The following CDK19 variants were observed in gnomAD, a reference collection of about 807,000 sequenced individuals.
The protein encoded by CDK19 is cyclin dependent kinase 19.
In CDK19, 20 loss-of-function variants were observed where a neutral mutation model predicts 68.3. The observed-to-expected ratio is 0.29, with a 90% confidence interval of 0.21 to 0.43. CDK19 has a LOEUF of 0.43. Ranked by LOEUF, CDK19 falls within the 20% of genes least tolerant of loss-of-function variation. The pLI, the probability that CDK19 is intolerant of heterozygous loss-of-function variation, is 1.00. For synonymous variants in CDK19, 221 were observed against 222.8 expected (o/e 0.99, Z 0.07); for missense variants, 339 against 623.5 (o/e 0.54, Z 4.86).
chr6:110,735,338 T>C (rs1277660388), intron 2 of CDK19, among the ~76,000 whole-genome samples: 2 of 152,130 alleles, frequency 1.3e-5, no homozygotes, highest in African/African-American at 4.8e-5. Context: ...TCAAAACAAA[T>C]ACCACTCCCT....
chr6:110,780,232 A>T (rs1254488904), intron 1 of CDK19, among the ~76,000 whole-genome samples: 1 of 151,238 alleles, frequency 6.6e-6, no homozygotes, highest in Non-Finnish European at 1.5e-5. Context: ...AAAAAAAAAA[A>T]TACAAAAATT....
intron 2 of CDK19, among the ~76,000 whole-genome samples, chr6:110,737,982 C>A (rs941881182): frequency 1.3e-5 from 2 of 152,078 alleles, no homozygotes; most frequent in African/African-American, 4.8e-5. Context: ...TCTCTTAACA[C>A]CATACCAAAT....
chr6:110,635,858 CA>C (rs1259088548), intron 5 of CDK19, among the ~76,000 whole-genome samples: 2 of 151,986 alleles, frequency 1.3e-5, no homozygotes, highest in Non-Finnish European at 2.9e-5. Flanking sequence ...TTCTTTTAAG[CA>C]AAAAACAACA....
intron 1 of CDK19, among the ~76,000 whole-genome samples, chr6:110,764,684 C>T (rs1460166927): frequency 6.6e-6 from 1 of 152,204 alleles, no homozygotes; most frequent in Non-Finnish European, 1.5e-5. Flanking sequence ...GACACGGTGG[C>T]TCACGCCTCC....
intron 2 of CDK19, among the ~76,000 whole-genome samples, chr6:110,716,800 T>C (rs1467202429): frequency 6.6e-6 from 1 of 152,184 alleles, no homozygotes; most frequent in Non-Finnish European, 1.5e-5. Flanking sequence ...ATATATATAT[T>C]GGTCCAGTGA....
rs955681866 is a variant in CDK19, at chr6:110,621,554, G to A, written c.1111-184C>T. The stretch of plus-strand genomic sequence containing the variant: ...ACACAGTGTTCCCAAAGGGCAAGGC[G>A]CTGAGCCCCAAACAGGACTCTTTCC... On this transcript the variant is annotated intron_variant, in intron 11 of 12. Transcript: ENST00000368911. The surrounding 1 kb of genome is among the most constrained non-coding windows in gnomAD (Gnocchi z 5.4). 2.0e-5 allele frequency among the ~76,000 whole-genome samples: 3 copies of A among 152,102 alleles called. No homozygotes were observed. Among genetic ancestry groups the A allele is most frequent in the Non-Finnish European group, 4.4e-5 (3 of 68,018 alleles).
intron 4 of CDK19, among the ~76,000 whole-genome samples, chr6:110,659,049 G>T (rs1340275988): frequency 6.6e-6 from 1 of 152,114 alleles, no homozygotes; most frequent in African/African-American, 2.4e-5. Flanking sequence ...TTAAAGTGTA[G>T]GTTCTCAAAG....
At chr6:110,644,331 TAGAG>T (rs1780402347) in intron 4 of CDK19, among the ~76,000 whole-genome samples, 1 of 148,950 alleles carries the variant, frequency 6.7e-6, no homozygotes, top group Non-Finnish European at 1.5e-5. Flanking sequence ...TTTATGGAGA[TAGAG>T]AGTAGAAATA....
chr6:110,774,332 C>CA (rs1172285003), intron 1 of CDK19, among the ~76,000 whole-genome samples: 1 of 152,174 alleles, frequency 6.6e-6, no homozygotes, highest in East Asian at 1.9e-4. Flanking sequence ...CCAAGACCCC[C>CA]AGTAGCTGCC....
At chr6:110,784,177 A>AAG (rs59866895) in intron 1 of CDK19, among the ~76,000 whole-genome samples, 1 of 150,030 alleles carries the variant, frequency 6.7e-6, no homozygotes, top group Non-Finnish European at 1.5e-5. Context: ...AAAAAAAAAA[A>AAG]GGAAAGGAGA....
At chr6:110,663,862 T>G (rs1781759346) in intron 4 of CDK19, among the ~76,000 whole-genome samples, 2 of 152,166 alleles carry the variant, frequency 1.3e-5, no homozygotes, top group African/African-American at 4.8e-5. Flanking sequence ...TTAGAGTTAC[T>G]CACTTGAGGA....
chr6:110,678,836 A>G (rs944685145), intron 2 of CDK19, among the ~76,000 whole-genome samples: 1 of 152,216 alleles, frequency 6.6e-6, no homozygotes, highest in African/African-American at 2.4e-5. Flanking sequence ...ATTCTCAACT[A>G]TAAGCATACA....
Position 110,613,002 on chromosome 6 carries a change from A to G in CDK19, c.*1533T>C, listed in dbSNP as rs1264681256. The stretch of plus-strand genomic sequence containing the variant: ...GTTTTTAAAAATGCATGTAATTTGC[A>G]TATACAATAATCAGCTATTTCTTCT... On this transcript the variant is annotated 3_prime_UTR_variant, in exon 13 of 13. Coordinates refer to ENST00000368911, the MANE Select transcript of CDK19 (RefSeq NM_015076.5). 2 of 152,704 alleles carry G rather than the reference A, an allele frequency of 1.3e-5. No individual in the cohort carries two copies. The highest frequency in any genetic ancestry group is 4.8e-5 in the African/African-American group (2 of 41,480). 9.5% of individuals were successfully genotyped at this position (152,704 alleles called of 1,614,324 possible). A position where few individuals can be genotyped will look rare whatever the true frequency, so the allele number is the denominator to read the frequency against.
rs545317831 is a variant in CDK19 at position 110,776,108 on chromosome 6, C to T, written c.129-29907G>A. ...AGCCAGTGCATTCTATTTAAATTAG[C>T]GACTTAACAAAAGCTGTTAACTAAG... On this transcript the variant is annotated intron_variant, in intron 1 of 12. Coordinates refer to ENST00000368911, the MANE Select transcript of CDK19 (RefSeq NM_015076.5). 8.2e-4 allele frequency among the ~76,000 whole-genome samples: 125 copies of T among 152,240 alleles called. 2 individuals are homozygous for T. The highest frequency in any genetic ancestry group is 3.4e-3 in the Middle Eastern group (1 of 294).
chr6:110,629,380 T>C (rs900177851), intron 6 of CDK19, among the ~76,000 whole-genome samples: 1 of 152,122 alleles, frequency 6.6e-6, no homozygotes, highest in African/African-American at 2.4e-5. Flanking sequence ...ACACTGCTTG[T>C]CACCATCACT....
chr6:110,679,330 A>G (rs1273469729), intron 2 of CDK19, among the ~76,000 whole-genome samples: 1 of 151,202 alleles, frequency 6.6e-6, no homozygotes, highest in African/African-American at 2.4e-5. Flanking sequence ...AAAAAAAAAA[A>G]GTCCAGGTAC....
chr6:110,647,883 C>A (rs989205765), intron 4 of CDK19, among the ~76,000 whole-genome samples: 3 of 151,980 alleles, frequency 2.0e-5, no homozygotes, highest in Non-Finnish European at 2.9e-5. Context: ...AAATATTAAA[C>A]AAAATATTAG....
Position 110,808,742 on chromosome 6 carries a change from T to C in CDK19, c.128+6267A>G, listed in dbSNP as rs142651914. On this transcript the variant is annotated intron_variant, in intron 1 of 12. Transcript: ENST00000368911. ...TACCATAAACCCATAAAACCAAAAT[T>C]TGTCCTAAAATGTATTTAAATACTG... 5.5e-3 allele frequency among the ~76,000 whole-genome samples: 832 copies of C among 152,236 alleles called. 8 individuals carry two copies. The highest frequency in any genetic ancestry group is 0.02 in the African/African-American group (810 of 41,526).
chr6:110,773,171 C>T (rs562362232), intron 1 of CDK19, among the ~76,000 whole-genome samples: 2 of 151,906 alleles, frequency 1.3e-5, no homozygotes, highest in South Asian at 4.2e-4. Context: ...ATGGTGAAAC[C>T]CCATCTCTAA....
Sources: gnomAD v4.1 joint callset for allele counts (sites outside exome capture counted in the v4.1 genomes callset) on GRCh38, gnomAD v4.1.1 for gene constraint, Gnocchi (gnomAD v3.1) non-coding constraint, MANE v1.5 for transcripts, NCBI Gene and HGNC (gene_info 2026-07-23, HGNC 2026-07-21) for gene names.